Variants in MSRA observed in about 807,000 individuals in gnomAD.
MSRA encodes mitochondrial peptide methionine sulfoxide reductase.
MSRA carries 54 observed loss-of-function variants against 31.3 expected under a neutral mutation model. The ratio of observed to expected loss-of-function variants is 1.73; its 90% confidence interval spans 1.39 to 2.17. The LOEUF is 2.17. Ranked by LOEUF, MSRA falls within the 30% of genes most tolerant of loss-of-function variation. MSRA has a pLI of 0.00. For synonymous variants in MSRA, 169 were observed against 116.5 expected (o/e 1.45, Z -2.90); for missense variants, 507 against 300.9 (o/e 1.69, Z -5.07).
intron 1 of MSRA, among the ~76,000 whole-genome samples, chr8:10,074,117 CTGT>C (rs1350330080): frequency 8.6e-6 from 1 of 116,316 alleles, no homozygotes; most frequent in African/African-American, 3.3e-5. Context: ...GAGTCTCGCT[CTGT>C]CCCCCAGGCT....
intron 2 of MSRA, among the ~76,000 whole-genome samples, chr8:10,232,172 A>G (rs1031108621): frequency 5.9e-5 from 9 of 152,116 alleles, no homozygotes; most frequent in Non-Finnish European, 1.3e-4. Context: ...AAAGCAGGGG[A>G]AAGAGCTGGA....
At chr8:10,066,533 ATCTGTT>A (rs1174270229) in intron 1 of MSRA, among the ~76,000 whole-genome samples, 1 of 151,964 alleles carries the variant, frequency 6.6e-6, no homozygotes, top group African/African-American at 2.4e-5. Flanking sequence ...CAGCTGATAT[ATCTGTT>A]TTTCTTTTTT....
intron 3 of MSRA, among the ~76,000 whole-genome samples, chr8:10,269,001 C>T (rs970443810): frequency 4.6e-5 from 7 of 152,192 alleles, no homozygotes; most frequent in African/African-American, 7.2e-5. Context: ...AGGCATAGCC[C>T]GCAAACCCAT....
intron 5 of MSRA, among the ~76,000 whole-genome samples, chr8:10,395,242 C>T (rs1003446654): frequency 2.0e-5 from 3 of 151,976 alleles, no homozygotes; most frequent in African/African-American, 7.3e-5. Context: ...GCAGTGGAAG[C>T]ATGTGTGTGT....
intron 2 of MSRA, among the ~76,000 whole-genome samples, chr8:10,242,560 G>T (rs55836143): frequency 0.31 from 46,428 of 151,892 alleles, 8,646 homozygotes; most frequent in Non-Finnish European, 0.44. Context: ...GTTTTGTGTG[G>T]TTTTTTTGCA....
intron 5 of MSRA, among the ~76,000 whole-genome samples, chr8:10,384,918 C>A (rs1340774173): frequency 6.6e-6 from 1 of 152,062 alleles, no homozygotes; most frequent in African/African-American, 2.4e-5. Context: ...AGAAGGATCA[C>A]TTGAGCCGAG....
chr8:10,256,240 G>T (rs1002148723), intron 3 of MSRA, among the ~76,000 whole-genome samples: 4 of 152,146 alleles, frequency 2.6e-5, no homozygotes, highest in Non-Finnish European at 5.9e-5. Flanking sequence ...GTCCTTTTCG[G>T]ATTGGCTTCT....
chr8:10,244,561 A>G (rs1438653518), intron 2 of MSRA, among the ~76,000 whole-genome samples: 2 of 152,250 alleles, frequency 1.3e-5, no homozygotes, highest in Non-Finnish European at 2.9e-5. Flanking sequence ...TTGGGTAAGC[A>G]GTGATTTATC....
chr8:10,212,872 A>T (rs1209782141), intron 2 of MSRA, among the ~76,000 whole-genome samples: 1 of 152,172 alleles, frequency 6.6e-6, no homozygotes, highest in Non-Finnish European at 1.5e-5. Flanking sequence ...AAATTCTTTG[A>T]ACCCATCATT....
At chr8:10,284,915 C>G (rs116236806) in intron 3 of MSRA, among the ~76,000 whole-genome samples, 1 of 151,972 alleles carries the variant, frequency 6.6e-6, no homozygotes, top group Non-Finnish European at 1.5e-5. Flanking sequence ...ATCAAATGAT[C>G]TCTAGTTTTG....
At chr8:10,406,227 C>T (rs992074830) in intron 5 of MSRA, among the ~76,000 whole-genome samples, 2 of 152,226 alleles carry the variant, frequency 1.3e-5, no homozygotes, top group African/African-American at 4.8e-5. Flanking sequence ...CCGTGGTGGG[C>T]TGAGGGAGGT....
intron 5 of MSRA, among the ~76,000 whole-genome samples, chr8:10,402,433 G>A (rs1001881851): frequency 2.6e-5 from 4 of 152,316 alleles, no homozygotes; most frequent in Admixed American, 6.5e-5. Context: ...TCCTCCACTT[G>A]CAGCTCCCAC....
chr8:10,108,725 C>T (rs1800065048), intron 1 of MSRA, among the ~76,000 whole-genome samples: 1 of 152,142 alleles, frequency 6.6e-6, no homozygotes, highest in Non-Finnish European at 1.5e-5. Context: ...CTTTGCAGGT[C>T]TCTAGCACTT....
chr8:10,196,614 A>T (rs548257674), intron 1 of MSRA, among the ~76,000 whole-genome samples: 1 of 152,192 alleles, frequency 6.6e-6, no homozygotes, highest in East Asian at 1.9e-4. Context: ...CAGTGGTGCA[A>T]TCTCGACTCA....
chr8:10,204,469 T>G (rs1808769399), intron 1 of MSRA, among the ~76,000 whole-genome samples: 1 of 152,202 alleles, frequency 6.6e-6, no homozygotes, highest in African/African-American at 2.4e-5. Context: ...TTTCTGTGCT[T>G]ATAGATATCT....
At chr8:10,100,556 A>G (rs375876859) in intron 1 of MSRA, among the ~76,000 whole-genome samples, 1 of 152,128 alleles carries the variant, frequency 6.6e-6, no homozygotes, top group East Asian at 1.9e-4. Context: ...GAAGTGTTCT[A>G]GAGAACATGG....
intron 5 of MSRA, among the ~76,000 whole-genome samples, chr8:10,415,759 C>T (rs981217803): frequency 1.3e-5 from 2 of 151,852 alleles, no homozygotes; most frequent in African/African-American, 2.4e-5. Flanking sequence ...TTACCCCCAA[C>T]CCCCAGCCTC....
intron 1 of MSRA, 108 bp downstream of exon 1, chr8:10,054,766 G>T: frequency 1.6e-6 from 2 of 1,249,282 alleles, no homozygotes; most frequent in African/African-American, 3.2e-5. Flanking sequence ...CTGGCCTCGG[G>T]CGGGTCGCGG....
intron 2 of MSRA, among the ~76,000 whole-genome samples, chr8:10,243,193 A>G (rs1209740851): frequency 6.6e-6 from 1 of 152,160 alleles, no homozygotes; most frequent in African/African-American, 2.4e-5. Context: ...CTCTGGTGCC[A>G]TCGCTGTTAG....
Sources: gnomAD v4.1 joint callset for allele counts (sites outside exome capture counted in the v4.1 genomes callset) on GRCh38, gnomAD v4.1.1 for gene constraint, MANE v1.5 for transcripts, NCBI Gene and HGNC (gene_info 2026-07-23, HGNC 2026-07-21) for gene names.